SIM1: variants seen among roughly 807,000 people sequenced by gnomAD.
The protein encoded by SIM1 is single-minded homolog 1.
In SIM1, 18 loss-of-function variants were observed where a neutral mutation model predicts 78.2. The ratio of observed to expected loss-of-function variants is 0.23; its 90% CI spans 0.16 to 0.34. SIM1 has a LOEUF of 0.34. Among genes scored for constraint, SIM1 ranks in the 10% least tolerant of loss-of-function variants. The probability of loss-of-function intolerance (pLI) is 1.00; values close to 1 mark genes in which losing one functional copy is unlikely to be tolerated. For missense variants in SIM1, 939 were observed against 975.1 expected (o/e 0.96, Z 0.49); for synonymous variants, 417 against 385.2 (o/e 1.08, Z -0.97).
At chr6:100,462,142 C>G (rs1321553964) in intron 2 of SIM1, among the ~76,000 whole-genome samples, 2 of 152,110 alleles carry the variant, frequency 1.3e-5, no homozygotes, top group African/African-American at 4.8e-5. Context: ...CTGTTTCCTG[C>G]TCATCCATTC....
At chr6:100,453,966 C>A in intron 2 of SIM1, 122 bp from the exon 3 acceptor site, 1 of 595,280 alleles carries the variant, frequency 1.7e-6, no homozygotes, top group Non-Finnish European at 2.8e-6. Context: ...ATAGGGGATC[C>A]CTCTCAAAGT....
intron 6 of SIM1, 111 bp from the exon 7 acceptor site, chr6:100,448,789 G>A (rs901869797): frequency 5.1e-5 from 47 of 927,126 alleles, no homozygotes; most frequent in Non-Finnish European, 7.1e-5. Flanking sequence ...AAGCAGTGCT[G>A]ACCACGCCCG....
intron 10 of SIM1, among the ~76,000 whole-genome samples, chr6:100,412,275 G>T (rs544821660): frequency 1.3e-5 from 2 of 152,020 alleles, no homozygotes; most frequent in African/African-American, 4.8e-5. Flanking sequence ...GGTAGCTTGC[G>T]CCTGTTATCC....
chr6:100,448,430 A>C, intron 7 of SIM1, 49 bp downstream of exon 7: 1 of 1,578,318 alleles, frequency 6.3e-7, no homozygotes, highest in South Asian at 1.1e-5. Flanking sequence ...GTCACTAAGC[A>C]GGGCCGCCCT....
At chr6:100,408,557 T>C (rs1035066274) in intron 10 of SIM1, among the ~76,000 whole-genome samples, 13 of 152,110 alleles carry the variant, frequency 8.5e-5, no homozygotes, top group African/African-American at 3.1e-4. Flanking sequence ...GCCTGCCCTA[T>C]ATAATCTTTA....
intron 9 of SIM1, among the ~76,000 whole-genome samples, chr6:100,429,901 G>A (rs1436487360): frequency 6.6e-6 from 1 of 152,122 alleles, no homozygotes; most frequent in East Asian, 1.9e-4. Flanking sequence ...TATACCAGCT[G>A]TAATTTTAAA....
At chr6:100,412,689 AAG>A (rs1268394268) in intron 10 of SIM1, among the ~76,000 whole-genome samples, 29 of 67,116 alleles carry the variant, frequency 4.3e-4, no homozygotes, top group South Asian at 1.9e-3. Context: ...AAGAAAAAGA[AAG>A]AAAGAAAGAA....
intron 9 of SIM1, chr6:100,427,284 A>G (rs552946485): frequency 6.6e-6 from 1 of 152,344 alleles, no homozygotes; most frequent in East Asian, 1.9e-4. Flanking sequence ...GCACCCTTGG[A>G]AATGTAATAG....
At chr6:100,423,359 A>C (rs1335554349) in intron 9 of SIM1, among the ~76,000 whole-genome samples, 1 of 152,148 alleles carries the variant, frequency 6.6e-6, no homozygotes, top group African/African-American at 2.4e-5. Context: ...TATTCAATAC[A>C]TATTTACTGA....
In SIM1 at chr6:100,457,582, C is replaced by T. The variant is rs1316285913; in HGVS notation, c.176-3738G>A. Reference sequence around the variant, plus strand: ...GCAAGTCTTCCCCGGGCTGAGGCGTCGAGTGGCCTTCGTGTTCAGCCTCCG... The same window carrying T: ...GCAAGTCTTCCCCGGGCTGAGGCGTTGAGTGGCCTTCGTGTTCAGCCTCCG... On this transcript the variant is annotated intron_variant, in intron 2 of 11. Transcript: ENST00000369208. Among the ~76,000 whole-genome samples the T allele has an allele frequency of 2.6e-5, 4 of 152,256 alleles. No homozygotes were observed. The East Asian group carries it at 5.8e-4, about 22-fold the overall frequency.
intron 8 of SIM1, among the ~76,000 whole-genome samples, chr6:100,447,726 C>T (rs1253253854): frequency 6.6e-6 from 1 of 152,200 alleles, no homozygotes; most frequent in Admixed American, 6.5e-5. Flanking sequence ...AAGTAAGGCT[C>T]TGGGCAGCTG....
Position 100,448,660 on chromosome 6 carries a change from A to T in SIM1, c.562T>A (p.Tyr188Asn). Residue 188 changes from tyrosine (Y) to asparagine (N), a missense_variant, in exon 7 of 12, where the codon TAC becomes AAC. Physicochemically the swap from Tyr to Asn is moderately radical, Grantham distance 143. This residue lies in a region of SIM1 where 187 missense variants were observed against 191.6 expected (regional missense o/e 0.98). Transcript: ENST00000369208. ...GGYKVIHCSG[Y>N]LKIRQYSLDM... ...AGGCTGTACTGGCGGATCTTCAAGTAGCCGCTGCAGTGGATGACCTGAGGC... is the reference window on the plus strand; with the variant it reads ...AGGCTGTACTGGCGGATCTTCAAGTTGCCGCTGCAGTGGATGACCTGAGGC... 6.2e-7 allele frequency: 1 copy of T among 1,611,976 alleles called. No individual in the cohort carries two copies. Among genetic ancestry groups the T allele is most frequent in the African/African-American group, 1.3e-5 (1 of 75,040 alleles).
In SIM1 at chr6:100,415,388, C is replaced by A. The variant is rs187283613; in HGVS notation, c.1167+5402G>T. Among the ~76,000 whole-genome samples, 572 of 152,220 alleles carry A rather than the reference C, an allele frequency of 3.8e-3. 3 individuals carry two copies. The highest frequency in any genetic ancestry group is 0.013 in the African/African-American group (556 of 41,550). ...AAAAATACATTGCTATTTTCATAAGCATAACAAATGTCATAATAATAAAAT... is the reference window on the plus strand; with the variant it reads ...AAAAATACATTGCTATTTTCATAAGAATAACAAATGTCATAATAATAAAAT... On this transcript the variant is annotated intron_variant, in intron 10 of 11. Transcript: ENST00000369208.
chr6:100,450,688 TCTCTCTCTCA>T (rs1173265265), intron 3 of SIM1, among the ~76,000 whole-genome samples: 17 of 97,940 alleles, frequency 1.7e-4, no homozygotes, highest in African/African-American at 7.4e-4. Context: ...TCTCTCTCTC[TCTCTCTCTCA>T]CACACACACA....
chr6:100,447,551 G>C (rs897270053), intron 8 of SIM1, 136 bp from the exon 9 acceptor site: 2 of 946,614 alleles, frequency 2.1e-6, no homozygotes, highest in African/African-American at 3.3e-5. Flanking sequence ...AGAGAGAGAC[G>C]ACAGGCAAAT....
intron 9 of SIM1, among the ~76,000 whole-genome samples, chr6:100,435,823 G>T (rs534530051): frequency 2.0e-5 from 3 of 151,934 alleles, no homozygotes; most frequent in Non-Finnish European, 2.9e-5. Context: ...TCTGCAGCAG[G>T]ACAAAACATC....
intron 10 of SIM1, among the ~76,000 whole-genome samples, chr6:100,418,252 T>G (rs922442059): frequency 6.6e-6 from 1 of 151,776 alleles, no homozygotes; most frequent in African/African-American, 2.4e-5. Flanking sequence ...CTTAGAAAGC[T>G]GATACTACAG....
intron 9 of SIM1, among the ~76,000 whole-genome samples, chr6:100,422,210 A>AT (rs960383655): frequency 7.3e-5 from 11 of 149,968 alleles, no homozygotes; most frequent in South Asian, 2.1e-4. Flanking sequence ...AAACCTGATA[A>AT]TTTTTTTTTT....
chr6:100,447,501 G>C, intron 8 of SIM1, 86 bp from the exon 9 acceptor site: 1 of 1,473,494 alleles, frequency 6.8e-7, no homozygotes, highest in Non-Finnish European at 9.4e-7. Context: ...AAGAATTGAG[G>C]GCTCCCTGTG....
Sources: allele counts gnomAD v4.1 joint callset (sites outside exome capture counted in the v4.1 genomes callset), GRCh38; gene constraint gnomAD v4.1.1; regional missense constraint gnomAD v4.1.1; transcripts MANE v1.5; gene names NCBI Gene and HGNC (gene_info 2026-07-23, HGNC 2026-07-21).